Variants in OCM observed in about 807,000 individuals in gnomAD.
OCM encodes oncomodulin-1.
A neutral mutation model predicts 14.1 loss-of-function variants in OCM; 18 were observed. That is an observed-to-expected ratio of 1.28 (90% CI 0.88 to 1.89). The LOEUF (loss-of-function observed/expected upper bound fraction) is 1.89, where lower values mean the gene tolerates loss of function less well. Ranked by LOEUF, OCM falls within the 40% of genes most tolerant of loss-of-function variation. The pLI is 0.00. For missense variants in OCM, 140 were observed against 137.6 expected (o/e 1.02, Z -0.09); for synonymous variants, 48 against 51.0 (o/e 0.94, Z 0.25).
intron 3 of OCM, among the ~76,000 whole-genome samples, chr7:5,885,831 G>A (rs917812761): frequency 2.6e-5 from 4 of 152,006 alleles, no homozygotes; most frequent in Non-Finnish European, 2.9e-5. Flanking sequence ...GGATGGTTTC[G>A]ATCTCATGAT....
the OCM span, among the ~76,000 whole-genome samples, chr7:5,866,818 C>CT: frequency 6.6e-6 from 1 of 152,114 alleles, no homozygotes; most frequent in Non-Finnish European, 1.5e-5. Context: ...GAAGACATAT[C>CT]TGTGGAGGGT....
At chr7:5,874,453 C>T in the OCM span, among the ~76,000 whole-genome samples, 7 of 151,972 alleles carry the variant, frequency 4.6e-5, no homozygotes, top group South Asian at 6.2e-4. Context: ...AGATGCATAG[C>T]ATGATATGCA....
At chr7:5,864,646 A>G in the OCM span, among the ~76,000 whole-genome samples, 1 of 152,122 alleles carries the variant, frequency 6.6e-6, no homozygotes, top group African/African-American at 2.4e-5. Flanking sequence ...CCTTTTGGGC[A>G]AAGTTCTCAT....
At chr7:5,882,210 C>A (rs1431047116) in intron 1 of OCM, among the ~76,000 whole-genome samples, 2 of 150,890 alleles carry the variant, frequency 1.3e-5, no homozygotes, top group Admixed American at 1.3e-4. Context: ...GCCACACAGC[C>A]TGTAAAGTGG....
At chr7:5,884,021 G>A (rs746797510) in intron 3 of OCM, 22 bp downstream of exon 3, 9 of 1,608,978 alleles carry the variant, frequency 5.6e-6, no homozygotes, top group Non-Finnish European at 7.6e-6. Context: ...CGTGTACGTA[G>A]CATAAAACAC....
the OCM span, among the ~76,000 whole-genome samples, chr7:5,861,509 C>T: frequency 2.0e-5 from 3 of 151,804 alleles, no homozygotes; most frequent in African/African-American, 7.3e-5. Context: ...CTGTGTTTTC[C>T]AAAGGAAATT....
At chr7:5,872,820 C>T in the OCM span, among the ~76,000 whole-genome samples, 8 of 152,100 alleles carry the variant, frequency 5.3e-5, no homozygotes, top group African/African-American at 1.7e-4. Flanking sequence ...CCACTATTAT[C>T]CTATGACCCT....
At chr7:5,867,021 T>C in the OCM span, among the ~76,000 whole-genome samples, 87 of 152,348 alleles carry the variant, frequency 5.7e-4, no homozygotes, top group African/African-American at 1.9e-3. Flanking sequence ...ACTATCCTTT[T>C]ATTTTTTATG....
the OCM span, among the ~76,000 whole-genome samples, chr7:5,863,147 A>C: frequency 6.6e-6 from 1 of 152,150 alleles, no homozygotes; most frequent in African/African-American, 2.4e-5. Flanking sequence ...ATTGATCGCT[A>C]ATCAGAGCCT....
chr7:5,881,345 G>A (rs1411614416), intron 1 of OCM, among the ~76,000 whole-genome samples: 1 of 151,050 alleles, frequency 6.6e-6, no homozygotes, highest in East Asian at 1.9e-4. Flanking sequence ...AGTAGACCAG[G>A]CATGGTGGCT....
upstream of OCM, among the ~76,000 whole-genome samples, chr7:5,879,156 G>A (rs1434823687): frequency 2.6e-5 from 4 of 151,890 alleles, no homozygotes; most frequent in South Asian, 2.1e-4. Context: ...AGCTGAGATC[G>A]TGCCACTGCA....
In OCM at chr7:5,883,965, G is replaced by T. The variant is rs373499237; in HGVS notation, c.270G>T (p.Ala90=). ...ESETKSLMAA[A]DNDGDGKIGA... is the part of the protein sequence containing the mutation. ...AAACCAAGTCCTTGATGGCTGCGGC[G>T]GATAATGATGGAGATGGGAAAATTG... The change falls in exon 3 of 4, where the codon GCG becomes GCT. Residue 90 remains alanine (A), a synonymous_variant. Coordinates refer to ENST00000242104, the MANE Select transcript of OCM (RefSeq NM_001097622.2). 5.6e-6 allele frequency: 9 copies of T among 1,613,190 alleles called. No homozygotes were observed. In the African/African-American group the frequency reaches 9.4e-5, roughly 17 times the overall value.
the OCM span, among the ~76,000 whole-genome samples, chr7:5,859,746 G>A: frequency 1.3e-5 from 2 of 152,010 alleles, no homozygotes; most frequent in African/African-American, 2.4e-5. Context: ...TGTCCAGGCT[G>A]GAGTGCAATG....
intron 1 of OCM, among the ~76,000 whole-genome samples, chr7:5,881,922 A>C (rs1282973549): frequency 6.6e-6 from 1 of 151,784 alleles, no homozygotes; most frequent in South Asian, 2.1e-4. Flanking sequence ...CCCTGTCTCT[A>C]TTAAAAATAC....
At chr7:5,867,083 T>C in the OCM span, among the ~76,000 whole-genome samples, 4 of 152,312 alleles carry the variant, frequency 2.6e-5, no homozygotes, top group African/African-American at 9.6e-5. Context: ...GATTTCCAAT[T>C]GCTAAGAGAA....
At chr7:5,871,419 C>T in the OCM span, among the ~76,000 whole-genome samples, 5 of 151,906 alleles carry the variant, frequency 3.3e-5, no homozygotes, top group African/African-American at 1.2e-4. Flanking sequence ...GTCTTAAACT[C>T]CTGGCTTCAA....
At chr7:5,870,146 A>G in the OCM span, among the ~76,000 whole-genome samples, 1 of 151,918 alleles carries the variant, frequency 6.6e-6, no homozygotes, top group East Asian at 1.9e-4. Flanking sequence ...AAGCTCTGTC[A>G]CCCAGGCTGG....
intron 3 of OCM, among the ~76,000 whole-genome samples, chr7:5,885,268 C>T (rs1390493936): frequency 6.6e-6 from 1 of 151,968 alleles, no homozygotes; most frequent in Admixed American, 6.6e-5. Flanking sequence ...GTAACAGAAA[C>T]GTTTGGAGTT....
chr7:5,865,989 G>A, the OCM span, among the ~76,000 whole-genome samples: 4 of 152,070 alleles, frequency 2.6e-5, no homozygotes, highest in South Asian at 8.3e-4. Context: ...GGCAGTTTAA[G>A]GGCTATTCAT....
Sources: allele counts gnomAD v4.1 joint callset (sites outside exome capture counted in the v4.1 genomes callset), GRCh38; gene constraint gnomAD v4.1.1; transcripts MANE v1.5; gene names NCBI Gene and HGNC (gene_info 2026-07-23, HGNC 2026-07-21).